TXNRD1: variants seen among roughly 807,000 people sequenced by gnomAD.
TXNRD1 encodes thioredoxin reductase 1, cytoplasmic.
Under a neutral mutation model 80.3 loss-of-function variants are expected in TXNRD1, and 57 were observed. That is an observed-to-expected ratio of 0.71 (90% CI 0.57 to 0.89). TXNRD1 has a LOEUF of 0.89. Among genes scored for constraint, TXNRD1 ranks in the 40% least tolerant of loss-of-function variants. TXNRD1 has a pLI of 0.00. For missense variants in TXNRD1, 730 were observed against 803.0 expected (o/e 0.91, Z 1.10); for synonymous variants, 291 against 285.2 (o/e 1.02, Z -0.20).
At chr12:104,237,162 T>C (rs775639577) in intron 1 of TXNRD1, among the ~76,000 whole-genome samples, 39 of 152,340 alleles carry the variant, frequency 2.6e-4, no homozygotes, top group Middle Eastern at 6.8e-3. Context: ...TTGTGTTATC[T>C]ACCGCTTTTG....
At chr12:104,249,955 A>AAAAG (rs1555207265) in intron 1 of TXNRD1, among the ~76,000 whole-genome samples, 18 of 150,278 alleles carry the variant, frequency 1.2e-4, no homozygotes, top group Non-Finnish European at 8.9e-5. Flanking sequence ...AAAAAAAAAA[A>AAAAG]GTGAAAGCTT....
At chr12:104,268,948 C>T (rs1176019594) in intron 3 of TXNRD1, among the ~76,000 whole-genome samples, 2 of 135,420 alleles carry the variant, frequency 1.5e-5, no homozygotes, top group African/African-American at 2.8e-5. Context: ...GATAGAGTCT[C>T]ACTCTTTTTG....
chr12:104,252,660 TTTTATA>T lies in TXNRD1; in HGVS notation c.243+984_243+989del, dbSNP rs1280787314. Among the ~76,000 whole-genome samples the T allele has an allele frequency of 1.9e-4, 10 of 53,214 alleles. No homozygotes were observed. In the East Asian group the frequency reaches 3.5e-3, roughly 19 times the overall value. 34.9% of individuals were successfully genotyped at this position (53,214 alleles called of 152,430 possible). A position where few individuals can be genotyped will look rare whatever the true frequency, so the allele number is the denominator to read the frequency against. On this transcript the variant is annotated intron_variant, in intron 2 of 16. Transcript: ENST00000525566. ...TTCACTGAGAGGTTAATTTATTATT[TTTTATA>T]TATATATATATATATATATATATAT...
chr12:104,294,134 C>T lies in TXNRD1; in HGVS notation c.414+5094C>T, dbSNP rs79089789. 1.3e-4 allele frequency among the ~76,000 whole-genome samples: 19 copies of T among 150,652 alleles called. No individual in the cohort carries two copies. In the South Asian group the frequency reaches 3.4e-3, roughly 27 times the overall value. On this transcript the variant is annotated intron_variant, in intron 4 of 16. Transcript: ENST00000525566. ...ACTGAAGCACAGCATCACAGGGAGA[C>T]GGTTAGGCCTCCGGATAACTGCGGG...
intron 1 of TXNRD1, among the ~76,000 whole-genome samples, chr12:104,249,871 C>G (rs1480002053): frequency 7.1e-6 from 1 of 139,946 alleles, no homozygotes; most frequent in Non-Finnish European, 1.5e-5. Flanking sequence ...GGAGGCGGAG[C>G]TTGCAGTGAG....
At position 104,319,543 on chromosome 12, in the gene TXNRD1, G is replaced by A. The variant is rs377062126; in HGVS notation, c.947G>A (p.Arg316His). 49 of 1,605,522 alleles carry A rather than the reference G, an allele frequency of 3.1e-5. No individual in the cohort carries two copies. Among genetic ancestry groups the A allele is most frequent in the Middle Eastern group, 3.3e-4 (2 of 6,082 alleles). Residue 316 changes from arginine (R) to histidine (H), a missense_variant, in exon 9 of 17, where the codon CGT (arginine) becomes CAT (histidine). Coordinates refer to ENST00000525566, the MANE Select transcript of TXNRD1 (RefSeq NM_001093771.3). ...CTCATTGCCACTGGTGAAAGACCACGTTACTTGGGCATCCCTGGTGACAAA... is the reference window on the plus strand; with the variant it reads ...CTCATTGCCACTGGTGAAAGACCACATTACTTGGGCATCCCTGGTGACAAA... ...RFLIATGERP[R>H]YLGIPGDKEY...
chr12:104,304,567 T>C (rs1247556080), intron 4 of TXNRD1: 2 of 1,613,866 alleles, frequency 1.2e-6, no homozygotes, highest in Non-Finnish European at 1.7e-6. Context: ...TGGACCTGAG[T>C]AGTTATCCAG....
At chr12:104,252,356 G>A (rs1363801003) in intron 2 of TXNRD1, among the ~76,000 whole-genome samples, 3 of 151,826 alleles carry the variant, frequency 2.0e-5, no homozygotes, top group Non-Finnish European at 2.9e-5. Context: ...TTATTATGGG[G>A]AAAATAACTT....
intron 3 of TXNRD1, among the ~76,000 whole-genome samples, chr12:104,272,945 A>G (rs1163698050): frequency 6.6e-6 from 1 of 151,962 alleles, no homozygotes; most frequent in Non-Finnish European, 1.5e-5. Context: ...AGCCAAGATC[A>G]CATCATTGCA....
chr12:104,313,327 T>C lies in TXNRD1; in HGVS notation c.610+10T>C. 1 of 1,570,076 alleles carries C rather than the reference T, an allele frequency of 6.4e-7. No homozygotes were observed. The highest frequency in any genetic ancestry group is 8.7e-7 in the Non-Finnish European group (1 of 1,154,036). The stretch of plus-strand genomic sequence containing the variant: ...CTTGGAACTAGATGGGGTAAGCTTT[T>C]AAGATACTCTAGAAGTGATGTTGCC... On this transcript the variant is annotated intron_variant, in intron 6 of 16. Transcript: ENST00000525566.
Position 104,291,054 on chromosome 12 carries a change from C to T in TXNRD1, c.414+2014C>T, listed in dbSNP as rs759724716. The T allele has an allele frequency of 1.3e-4, 89 of 687,580 alleles. No individual in the cohort carries two copies. The Admixed American group carries it at 1.7e-3, about 13-fold the overall frequency. 42.6% of individuals were successfully genotyped at this position (687,580 alleles called of 1,614,324 possible). A position where few individuals can be genotyped will look rare whatever the true frequency, so the allele number is the denominator to read the frequency against. On this transcript the variant is annotated intron_variant, in intron 4 of 16. Transcript: ENST00000525566. ...GAACTCCTGGGCTCAAGCGATCATC[C>T]GGCCTCGGCCTCCTAAAGTGCTGGG...
At chr12:104,303,833 A>G (rs2034752304) in intron 4 of TXNRD1, 2 of 1,433,470 alleles carry the variant, frequency 1.4e-6, no homozygotes, top group African/African-American at 2.9e-5. Flanking sequence ...GTTGGTTGAA[A>G]AAGCTTCCCG....
intron 16 of TXNRD1, chr12:104,345,917 G>A: frequency 7.9e-7 from 1 of 1,261,990 alleles, no homozygotes; most frequent in Non-Finnish European, 1.0e-6. Context: ...GGATGGAAGG[G>A]CATGGAGGCT....
intron 8 of TXNRD1, 149 bp downstream of exon 8, chr12:104,319,204 T>C: frequency 9.4e-7 from 1 of 1,059,052 alleles, no homozygotes; most frequent in Non-Finnish European, 1.3e-6. Flanking sequence ...CATATCATCC[T>C]ATGGGGCCTT....
At chr12:104,241,120 A>G (rs560192292) in intron 1 of TXNRD1, among the ~76,000 whole-genome samples, 3 of 150,836 alleles carry the variant, frequency 2.0e-5, no homozygotes, top group Non-Finnish European at 4.4e-5. Flanking sequence ...GCTCACTGCA[A>G]CCTCTGCCTC....
At chr12:104,303,793 C>G in intron 4 of TXNRD1, 1 of 1,308,976 alleles carries the variant, frequency 7.6e-7, no homozygotes, top group Non-Finnish European at 1.0e-6. Flanking sequence ...CTGGGAGGGC[C>G]GTTACCTCAG....
At chr12:104,249,201 A>G (rs2033058960) in intron 1 of TXNRD1, among the ~76,000 whole-genome samples, 1 of 152,208 alleles carries the variant, frequency 6.6e-6, no homozygotes, top group African/African-American at 2.4e-5. Context: ...CCTGATTCTC[A>G]GTAGGTACCT....
intron 1 of TXNRD1, among the ~76,000 whole-genome samples, chr12:104,238,458 T>G (rs552984698): frequency 1.1e-4 from 16 of 152,252 alleles, no homozygotes; most frequent in African/African-American, 3.1e-4. Flanking sequence ...CCTTGTTTTG[T>G]TTTTCAGAGT....
chr12:104,266,546 T>G (rs1038867743), intron 3 of TXNRD1, among the ~76,000 whole-genome samples: 2 of 96,898 alleles, frequency 2.1e-5, no homozygotes, highest in East Asian at 3.8e-4. Flanking sequence ...AAAAAAAAAT[T>G]AGTTGGCTGG....
Sources: gnomAD v4.1 joint callset for allele counts (sites outside exome capture counted in the v4.1 genomes callset) on GRCh38, gnomAD v4.1.1 for gene constraint, MANE v1.5 for transcripts, NCBI Gene and HGNC (gene_info 2026-07-23, HGNC 2026-07-21) for gene names.